The following AKR1E2 variants were observed in gnomAD, a reference collection of about 807,000 sequenced individuals.
AKR1E2 encodes the protein aldo-keto reductase family 1 member E2.
AKR1E2 carries 43 observed loss-of-function variants against 41.9 expected under a neutral mutation model. That is an observed-to-expected ratio of 1.03 (90% confidence interval 0.80 to 1.32). The LOEUF (loss-of-function observed/expected upper bound fraction) is 1.32, where lower values mean the gene tolerates loss of function less well. Ranked by LOEUF, AKR1E2 falls within the 40% of genes most tolerant of loss-of-function variation. AKR1E2 has a pLI of 0.00. For synonymous variants in AKR1E2, 121 were observed against 138.9 expected (o/e 0.87, Z 0.91); for missense variants, 423 against 396.5 (o/e 1.07, Z -0.57).
At chr10:4,864,913 C>G in the AKR1E2 span, among the ~76,000 whole-genome samples, 1 of 152,118 alleles carries the variant, frequency 6.6e-6, no homozygotes, top group African/African-American at 2.4e-5. Flanking sequence ...TTTCTTTTTG[C>G]AGAGATACAG....
At chr10:4,835,878 G>A in intron 4 of AKR1E2, 69 bp downstream of exon 4, 1 of 1,575,832 alleles carries the variant, frequency 6.3e-7, no homozygotes, top group East Asian at 2.3e-5. Flanking sequence ...AGTGAGCCCT[G>A]AGCTGCTTGT....
At chr10:4,851,631 T>C (rs535461065), downstream of AKR1E2, among the ~76,000 whole-genome samples, 15 of 152,254 alleles carry the variant, frequency 9.9e-5, no homozygotes, top group Non-Finnish European at 2.1e-4. Context: ...CCAGGTACTA[T>C]TCTATAAGTA....
intron 4 of AKR1E2, among the ~76,000 whole-genome samples, chr10:4,836,827 G>A (rs952413950): frequency 2.0e-5 from 3 of 152,218 alleles, no homozygotes; most frequent in East Asian, 1.9e-4. Flanking sequence ...TAACTGCTGC[G>A]TGTTGGCCCA....
chr10:4,864,111 T>C, the AKR1E2 span, among the ~76,000 whole-genome samples: 1 of 152,202 alleles, frequency 6.6e-6, no homozygotes, highest in African/African-American at 2.4e-5. Context: ...ACTCATTTTA[T>C]GAGGCCAGCA....
upstream of AKR1E2, among the ~76,000 whole-genome samples, chr10:4,825,370 G>C (rs925222987): frequency 6.6e-6 from 1 of 152,106 alleles, no homozygotes; most frequent in African/African-American, 2.4e-5. Flanking sequence ...AGCTCCAGGA[G>C]AGATAAGAGG....
the AKR1E2 span, among the ~76,000 whole-genome samples, chr10:4,856,169 A>G: frequency 6.6e-6 from 1 of 152,244 alleles, no homozygotes; most frequent in East Asian, 1.9e-4. Context: ...GTAAAAGACT[A>G]TAAGAAGTCA....
chr10:4,826,219 T>C lies in AKR1E2; in HGVS notation c.-106T>C. 1 of 927,492 alleles carries C rather than the reference T, an allele frequency of 1.1e-6. No individual in the cohort carries two copies. Among genetic ancestry groups the C allele is most frequent in the Non-Finnish European group, 1.4e-6 (1 of 709,182 alleles). The allele number at this position is 927,492 out of a possible 1,614,324, so 57.5% of individuals were successfully genotyped here. A position where few individuals can be genotyped will look rare whatever the true frequency, so the allele number is the denominator to read the frequency against. On this transcript the variant is annotated 5_prime_UTR_variant, in exon 1 of 10. Coordinates refer to ENST00000298375, the MANE Select transcript of AKR1E2 (RefSeq NM_001040177.3). Reference sequence around the variant, plus strand: ...CGGAGTGTCAGCCGTCACAAGGCACTTCCAGCCAGTCGCAACGGCGGGTCG... The same window carrying C: ...CGGAGTGTCAGCCGTCACAAGGCACCTCCAGCCAGTCGCAACGGCGGGTCG...
intron 7 of AKR1E2, 71 bp downstream of exon 7, chr10:4,841,928 G>A: frequency 7.1e-7 from 1 of 1,414,786 alleles, no homozygotes; most frequent in Non-Finnish European, 9.7e-7. Flanking sequence ...GAGTCCTGGG[G>A]CTTGGCAGGT....
At chr10:4,856,396 C>T in the AKR1E2 span, among the ~76,000 whole-genome samples, 19 of 152,246 alleles carry the variant, frequency 1.2e-4, no homozygotes, top group African/African-American at 4.1e-4. Flanking sequence ...AGAGCAAAAA[C>T]CTGCTTATGA....
chr10:4,849,835 C>T (rs1423964960), downstream of AKR1E2, among the ~76,000 whole-genome samples: 1 of 152,192 alleles, frequency 6.6e-6, no homozygotes, highest in Non-Finnish European at 1.5e-5. Context: ...CACCAGGTGG[C>T]GCTGGGAAGC....
At chr10:4,858,885 G>A in the AKR1E2 span, among the ~76,000 whole-genome samples, 51 of 148,072 alleles carry the variant, frequency 3.4e-4, no homozygotes, top group East Asian at 2.2e-3. Context: ...GTACAGTGGC[G>A]TGATCTCAGC....
Position 4,847,604 on chromosome 10 carries a change from C to A in AKR1E2, c.*74C>A. On this transcript the variant is annotated 3_prime_UTR_variant, in exon 10 of 10. Coordinates refer to ENST00000298375, the MANE Select transcript of AKR1E2 (RefSeq NM_001040177.3). ...ATTGGCAATGTTGACCCTCCTCTGTCATCACAGCGCCAGGGCAGCTGTGCC... is the reference window on the plus strand; with the variant it reads ...ATTGGCAATGTTGACCCTCCTCTGTAATCACAGCGCCAGGGCAGCTGTGCC... The A allele has an allele frequency of 6.5e-7, 1 of 1,547,940 alleles. No individual in the cohort carries two copies. The highest frequency in any genetic ancestry group is 1.1e-5 in the South Asian group (1 of 87,048).
chr10:4,846,467 C>G (rs527810965), intron 8 of AKR1E2, among the ~76,000 whole-genome samples: 157 of 152,098 alleles, frequency 1.0e-3, no homozygotes, highest in African/African-American at 3.5e-3. Context: ...AAGTGGGTCC[C>G]TAGTTGGCAG....
intron 6 of AKR1E2, 65 bp from the exon 7 acceptor site, chr10:4,841,720 T>G (rs1833892044): frequency 4.1e-6 from 5 of 1,230,034 alleles, no homozygotes; most frequent in Non-Finnish European, 5.6e-6. Flanking sequence ...AGATTTCTTC[T>G]TTCTAAAGAA....
At chr10:4,872,760 A>T in the AKR1E2 span, among the ~76,000 whole-genome samples, 1 of 152,226 alleles carries the variant, frequency 6.6e-6, no homozygotes, top group Non-Finnish European at 1.5e-5. Context: ...AAGATAAAAT[A>T]AGCTAAATAA....
intron 6 of AKR1E2, among the ~76,000 whole-genome samples, chr10:4,841,195 C>G (rs12571940): frequency 0.035 from 5,294 of 152,192 alleles, 145 homozygotes; most frequent in East Asian, 0.11. Context: ...GAGGACGATA[C>G]TAGCACAATG....
At chr10:4,839,519 T>A (rs1018297507) in intron 5 of AKR1E2, among the ~76,000 whole-genome samples, 2 of 152,138 alleles carry the variant, frequency 1.3e-5, no homozygotes, top group African/African-American at 4.8e-5. Context: ...GATGTAGGTG[T>A]CCCCAAGGCC....
chr10:4,836,457 C>T (rs1833429192), intron 4 of AKR1E2, among the ~76,000 whole-genome samples: 2 of 152,246 alleles, frequency 1.3e-5, no homozygotes, highest in African/African-American at 4.8e-5. Context: ...GCTGACCGAG[C>T]ACGTGTGGTC....
At chr10:4,860,896 C>A in the AKR1E2 span, among the ~76,000 whole-genome samples, 1 of 152,146 alleles carries the variant, frequency 6.6e-6, no homozygotes, top group Non-Finnish European at 1.5e-5. Flanking sequence ...CAGTCAACTG[C>A]AGCTAAGGAT....
Sources: gnomAD v4.1 joint callset for allele counts (sites outside exome capture counted in the v4.1 genomes callset) on GRCh38, gnomAD v4.1.1 for gene constraint, MANE v1.5 for transcripts, NCBI Gene and HGNC (gene_info 2026-07-23, HGNC 2026-07-21) for gene names.